The following HS3ST5 variants were observed in gnomAD, a reference collection of about 807,000 sequenced individuals.
HS3ST5 encodes heparan sulfate-glucosamine 3-sulfotransferase 5, also known as heparan sulfate glucosamine 3-O-sulfotransferase 5.
In HS3ST5, 10 loss-of-function variants were observed where a neutral mutation model predicts 25.4. That is an observed-to-expected ratio of 0.39 (90% CI 0.24 to 0.67). The LOEUF (loss-of-function observed/expected upper bound fraction) is 0.67. HS3ST5 is among the 30% of genes least tolerant of loss of function. HS3ST5 has a pLI of 0.44. For synonymous variants in HS3ST5, 170 were observed against 162.4 expected (o/e 1.05, Z -0.36); for missense variants, 324 against 420.7 (o/e 0.77, Z 2.01).
At chr6:114,084,600 AG>A in intron 3 of HS3ST5, 1 of 776,476 alleles carries the variant, frequency 1.3e-6, no homozygotes, top group Non-Finnish European at 2.3e-6. Flanking sequence ...AGTGCAGAGG[AG>A]AATTGTTACA....
In HS3ST5 at chr6:114,098,772, T is replaced by C. The variant is rs573150460; in HGVS notation, c.-32-35895A>G. 5.7e-4 allele frequency among the ~76,000 whole-genome samples: 86 copies of C among 152,064 alleles called. No homozygotes were observed. In the South Asian group the frequency reaches 8.7e-3, roughly 15 times the overall value. On this transcript the variant is annotated intron_variant, in intron 3 of 4. Coordinates refer to ENST00000312719, the MANE Select transcript of HS3ST5 (RefSeq NM_153612.4). ...ATAACTGTGTAAAGCCATTGGTGTG[T>C]ATTTTTTTGATTTCAGTGTAAAAAG...
chr6:114,149,839 A>G (rs959559729), intron 3 of HS3ST5, among the ~76,000 whole-genome samples: 7 of 152,224 alleles, frequency 4.6e-5, no homozygotes, highest in Admixed American at 1.3e-4. Context: ...ACACATATAC[A>G]AAAGTTTAGT....
At chr6:114,191,084 G>C (rs1297161155) in intron 2 of HS3ST5, among the ~76,000 whole-genome samples, 1 of 152,108 alleles carries the variant, frequency 6.6e-6, no homozygotes, top group African/African-American at 2.4e-5. Flanking sequence ...CAGACTTAAT[G>C]GTGGTCTAAT....
intron 1 of HS3ST5, among the ~76,000 whole-genome samples, chr6:114,322,881 G>T (rs929941397): frequency 2.0e-5 from 3 of 152,128 alleles, no homozygotes; most frequent in African/African-American, 7.2e-5. Context: ...TTGCTTCATG[G>T]ATGTCAGATT....
intron 3 of HS3ST5, among the ~76,000 whole-genome samples, chr6:114,149,523 T>C (rs1339124749): frequency 6.6e-6 from 1 of 151,382 alleles, no homozygotes; most frequent in African/African-American, 2.4e-5. Flanking sequence ...TAAGTGGGAG[T>C]TGAACAATGA....
intron 3 of HS3ST5, among the ~76,000 whole-genome samples, chr6:114,122,827 T>C (rs1190674230): frequency 6.6e-6 from 1 of 152,234 alleles, no homozygotes; most frequent in Non-Finnish European, 1.5e-5. Flanking sequence ...AACAAGATTG[T>C]AACATTTGAT....
chr6:114,234,998 C>T (rs1771786365), intron 1 of HS3ST5, among the ~76,000 whole-genome samples: 1 of 152,088 alleles, frequency 6.6e-6, no homozygotes, highest in Non-Finnish European at 1.5e-5. Context: ...TGGCACGCAC[C>T]TGTAGTCCCA....
intron 1 of HS3ST5, among the ~76,000 whole-genome samples, chr6:114,244,136 G>A (rs1275940964): frequency 6.6e-6 from 1 of 152,160 alleles, no homozygotes; most frequent in Non-Finnish European, 1.5e-5. Flanking sequence ...TTTAACAAAC[G>A]TTTCTGCAGG....
chr6:114,106,357 C>T (rs553980437), intron 3 of HS3ST5, among the ~76,000 whole-genome samples: 205 of 152,068 alleles, frequency 1.3e-3, no homozygotes, highest in African/African-American at 4.4e-3. Context: ...AACAAAAGAA[C>T]GCTGTGTAGA....
At chr6:114,309,796 G>A (rs2114839739) in intron 1 of HS3ST5, among the ~76,000 whole-genome samples, 1 of 152,174 alleles carries the variant, frequency 6.6e-6, no homozygotes, top group East Asian at 1.9e-4. Flanking sequence ...TTAAATATGA[G>A]AAATAAAACA....
At chr6:114,213,472 G>C (rs1781610953) in intron 2 of HS3ST5, among the ~76,000 whole-genome samples, 1 of 152,076 alleles carries the variant, frequency 6.6e-6, no homozygotes, top group Admixed American at 6.6e-5. Context: ...CAGGGACTCT[G>C]CCTTTCTCGG....
chr6:114,100,280 C>A (rs530997441), intron 3 of HS3ST5, among the ~76,000 whole-genome samples: 1 of 152,000 alleles, frequency 6.6e-6, no homozygotes, highest in Admixed American at 6.6e-5. Context: ...ACGTTCTCCA[C>A]GCAGAGATTG....
intron 3 of HS3ST5, among the ~76,000 whole-genome samples, chr6:114,167,968 T>C (rs1363304750): frequency 1.3e-5 from 2 of 151,864 alleles, no homozygotes; most frequent in African/African-American, 2.4e-5. Context: ...TTTCAGATAA[T>C]AGGAACAGCA....
At chr6:114,127,888 A>G (rs1024009024) in intron 3 of HS3ST5, among the ~76,000 whole-genome samples, 1 of 150,510 alleles carries the variant, frequency 6.6e-6, no homozygotes, top group Non-Finnish European at 1.5e-5. Flanking sequence ...ATATATAGAG[A>G]GAGAGAGACA....
chr6:114,265,754 C>G lies in HS3ST5; in HGVS notation c.-338-36976G>C, dbSNP rs190799827. Among the ~76,000 whole-genome samples, 139 of 152,292 alleles carry G rather than the reference C, an allele frequency of 9.1e-4. 2 individuals are homozygous for G. Among genetic ancestry groups the G allele is most frequent in the African/African-American group, 3.2e-3 (132 of 41,566 alleles). On this transcript the variant is annotated intron_variant, in intron 1 of 4. Transcript: ENST00000312719. ...CATTTGGCTACTTATTCCCTCTACTCCTTGACTTCCATGACATCTCTCTTT... is the reference window on the plus strand; with the variant it reads ...CATTTGGCTACTTATTCCCTCTACTGCTTGACTTCCATGACATCTCTCTTT...
At chr6:114,214,082 T>C (rs1781639711) in intron 2 of HS3ST5, among the ~76,000 whole-genome samples, 1 of 152,248 alleles carries the variant, frequency 6.6e-6, no homozygotes, top group Non-Finnish European at 1.5e-5. Context: ...TGCCTCTTTA[T>C]GAAGCTTTAT....
At chr6:114,137,063 G>A (rs1777653125) in intron 3 of HS3ST5, among the ~76,000 whole-genome samples, 1 of 152,062 alleles carries the variant, frequency 6.6e-6, no homozygotes, top group Non-Finnish European at 1.5e-5. Context: ...TTCCTAAATG[G>A]ATATGTGGAT....
chr6:114,147,301 CAGCT>C (rs1778217419), intron 3 of HS3ST5, among the ~76,000 whole-genome samples: 1 of 152,170 alleles, frequency 6.6e-6, no homozygotes, highest in Admixed American at 6.5e-5. Context: ...GCCTCCCTTG[CAGCT>C]AAATGTGGCC....
intron 1 of HS3ST5, among the ~76,000 whole-genome samples, chr6:114,306,180 T>C (rs1181813343): frequency 4.0e-5 from 6 of 149,048 alleles, no homozygotes; most frequent in Admixed American, 3.4e-4. Context: ...TTCAGTTTAG[T>C]TTTTTTTCTC....
Sources: gnomAD v4.1 joint callset for allele counts (sites outside exome capture counted in the v4.1 genomes callset) on GRCh38, gnomAD v4.1.1 for gene constraint, MANE v1.5 for transcripts, NCBI Gene and HGNC (gene_info 2026-07-23, HGNC 2026-07-21) for gene names.